The following SHLD2 variants were observed in gnomAD, a reference collection of about 807,000 sequenced individuals.
The protein encoded by SHLD2 is RINN1-REV7-interacting novel NHEJ regulator 2.
Under a neutral mutation model 73.2 loss-of-function variants are expected in SHLD2, and 30 were observed. That is an observed-to-expected ratio of 0.41 (90% CI 0.31 to 0.56). The LOEUF is 0.56. SHLD2 is among the 20% of genes least tolerant of loss of function. The pLI is 0.28. For synonymous variants in SHLD2, 285 were observed against 370.1 expected, an observed-to-expected ratio of 0.77 and a Z score of 2.64; for missense variants, 745 against 1,055.9, an observed-to-expected ratio of 0.71 and a Z score of 4.08.
At chr10:87,164,263 T>G (rs1434700898) in intron 4 of SHLD2, among the ~76,000 whole-genome samples, 2 of 150,268 alleles carry the variant, frequency 1.3e-5, no homozygotes, top group African/African-American at 4.9e-5. Context: ...TGGCCTCTCT[T>G]TTTTTTTGAG....
chr10:87,186,615 A>G (rs949600196), intron 8 of SHLD2, among the ~76,000 whole-genome samples: 4 of 105,952 alleles, frequency 3.8e-5, no homozygotes, highest in African/African-American at 1.1e-4. Flanking sequence ...AGCACTTGCA[A>G]ATGTTCTTCA....
intron 2 of SHLD2, among the ~76,000 whole-genome samples, chr10:87,136,679 A>G (rs1358256400): frequency 6.6e-6 from 1 of 151,810 alleles, no homozygotes; most frequent in African/African-American, 2.4e-5. Flanking sequence ...GCCCTTGCTT[A>G]TCTAAAAACT....
chr10:87,098,666 G>T (rs1338636002), intron 2 of SHLD2, among the ~76,000 whole-genome samples: 3 of 152,266 alleles, frequency 2.0e-5, no homozygotes, highest in South Asian at 2.1e-4. Context: ...TTAAGTATTT[G>T]TTCCATTTAG....
intron 4 of SHLD2, among the ~76,000 whole-genome samples, chr10:87,161,109 AAAT>A (rs1432243820): frequency 1.3e-5 from 2 of 152,220 alleles, no homozygotes; most frequent in Non-Finnish European, 2.9e-5. Context: ...AAACAAATTT[AAAT>A]AATAAGATAA....
At chr10:87,131,515 C>T (rs1844428276) in intron 2 of SHLD2, among the ~76,000 whole-genome samples, 1 of 152,160 alleles carries the variant, frequency 6.6e-6, no homozygotes, top group African/African-American at 2.4e-5. Context: ...TTTTGTGGTT[C>T]ATCTATGGTA....
chr10:87,172,663 A>T (rs1847669031), intron 6 of SHLD2, among the ~76,000 whole-genome samples: 2 of 152,060 alleles, frequency 1.3e-5, no homozygotes, highest in Admixed American at 1.3e-4. Context: ...TAAAAAAAAT[A>T]AAAAATAAAA....
upstream of SHLD2, chr10:87,094,570 A>G (rs1401755923): frequency 1.4e-5 from 23 of 1,611,714 alleles, no homozygotes; most frequent in East Asian, 2.2e-5. This position sits in a 1 kb window ranked among gnomAD's most constrained non-coding sequence, Gnocchi z 6.6. Flanking sequence ...CACCATCTTG[A>G]AGAAGTTGGG....
chr10:87,153,892 G>GT (rs1408024265), intron 3 of SHLD2: 2 of 151,946 alleles, frequency 1.3e-5, no homozygotes, highest in East Asian at 3.9e-4. Context: ...AGAACATTTT[G>GT]TTTTTTTAAT....
chr10:87,124,497 C>T (rs932836520), intron 2 of SHLD2, among the ~76,000 whole-genome samples: 3 of 152,124 alleles, frequency 2.0e-5, no homozygotes, highest in African/African-American at 4.8e-5. Context: ...GATCGCACCA[C>T]TGCACTCCAG....
At chr10:87,165,475 T>G (rs1026513703) in intron 4 of SHLD2, among the ~76,000 whole-genome samples, 8 of 152,226 alleles carry the variant, frequency 5.3e-5, no homozygotes, top group African/African-American at 1.9e-4. Context: ...TGCTTTGATA[T>G]TATCCATTGA....
chr10:87,110,606 C>CA (rs200449399), intron 2 of SHLD2, among the ~76,000 whole-genome samples: 4,032 of 99,458 alleles, frequency 0.041, 70 homozygotes, highest in Middle Eastern at 0.083. Context: ...GACTCCATCT[C>CA]AAAAAAAAAA....
chr10:87,155,299 C>G (rs186066291), intron 3 of SHLD2, among the ~76,000 whole-genome samples: 1 of 152,018 alleles, frequency 6.6e-6, no homozygotes, highest in African/African-American at 2.4e-5. Flanking sequence ...ATAGCCACAT[C>G]CCACTGGCAG....
At chr10:87,117,639 C>CA (rs1328381206) in intron 2 of SHLD2, among the ~76,000 whole-genome samples, 4 of 151,868 alleles carry the variant, frequency 2.6e-5, no homozygotes, top group African/African-American at 9.7e-5. Flanking sequence ...ACAAAAAATA[C>CA]AAAAAATTAG....
chr10:87,126,778 G>A (rs890484261), intron 2 of SHLD2, among the ~76,000 whole-genome samples: 5 of 152,156 alleles, frequency 3.3e-5, no homozygotes, highest in Admixed American at 2.0e-4. Context: ...GTCCTGCTAA[G>A]ATAAAGGAAG....
At chr10:87,134,903 C>T (rs1844692542) in intron 2 of SHLD2, among the ~76,000 whole-genome samples, 2 of 152,134 alleles carry the variant, frequency 1.3e-5, no homozygotes, top group Non-Finnish European at 2.9e-5. Context: ...AGCAGGGCTG[C>T]ACGAGGGCAC....
At chr10:87,134,910 G>A (rs927132492) in intron 2 of SHLD2, among the ~76,000 whole-genome samples, 1 of 152,162 alleles carries the variant, frequency 6.6e-6, no homozygotes, top group African/African-American at 2.4e-5. Context: ...CTGCACGAGG[G>A]CACCTGAGCT....
intron 2 of SHLD2, among the ~76,000 whole-genome samples, chr10:87,135,235 TTAAC>T (rs1457465470): frequency 1.7e-4 from 26 of 152,198 alleles, no homozygotes; most frequent in African/African-American, 5.8e-4. Context: ...TATATTTTCA[TTAAC>T]TAAAGTCCAT....
chr10:87,165,136 G>A (rs1026397530), intron 4 of SHLD2, among the ~76,000 whole-genome samples: 4 of 151,782 alleles, frequency 2.6e-5, no homozygotes, highest in Admixed American at 2.0e-4. Flanking sequence ...GCAGTGAGCT[G>A]TGATCATGCC....
intron 2 of SHLD2, among the ~76,000 whole-genome samples, chr10:87,128,851 G>T (rs1370861268): frequency 6.6e-6 from 1 of 151,882 alleles, no homozygotes; most frequent in Non-Finnish European, 1.5e-5. Flanking sequence ...GTGTTTTTTT[G>T]TTGTTGTTTT....
Sources: gnomAD v4.1 joint callset for allele counts (sites outside exome capture counted in the v4.1 genomes callset) on GRCh38, gnomAD v4.1.1 for gene constraint, Gnocchi (gnomAD v3.1) non-coding constraint, MANE v1.5 for transcripts, NCBI Gene and HGNC (gene_info 2026-07-23, HGNC 2026-07-21) for gene names.